CCDC73: variants seen among roughly 807,000 people sequenced by gnomAD.
CCDC73 encodes the protein coiled-coil domain containing 73.
In CCDC73, 95 loss-of-function variants were observed where a neutral mutation model predicts 116.5. The observed-to-expected ratio is 0.82, with a 90% CI of 0.69 to 0.97. CCDC73 has a LOEUF of 0.97. Among genes scored for constraint, CCDC73 ranks in the 50% least tolerant of loss-of-function variants. The probability of loss-of-function intolerance (pLI) is 0.00; values close to 1 mark genes in which losing one functional copy is unlikely to be tolerated. For missense variants in CCDC73, 1,066 were observed against 1,206.8 expected, an observed-to-expected ratio of 0.88 and a Z score of 1.73; for synonymous variants, 398 against 401.3, an observed-to-expected ratio of 0.99 and a Z score of 0.10.
At chr11:32,768,006 T>C (rs1590638492) in intron 1 of CCDC73, among the ~76,000 whole-genome samples, 1 of 152,318 alleles carries the variant, frequency 6.6e-6, no homozygotes, top group South Asian at 2.1e-4. Context: ...CATGCTGCTA[T>C]AAAGACACAT....
At chr11:32,683,351 T>C (rs1191528120) in intron 7 of CCDC73, 185 bp downstream of exon 7, 2 of 594,786 alleles carry the variant, frequency 3.4e-6, no homozygotes, top group African/African-American at 3.7e-5. Context: ...GAAATAAATT[T>C]GTGAAATAAT....
rs1182865769 is a variant in CCDC73 at position 32,616,123 on chromosome 11, G to C, written c.1192C>G (p.Pro398Ala). 1 of 1,568,902 alleles carries C rather than the reference G, an allele frequency of 6.4e-7. No individual in the cohort carries two copies. Among genetic ancestry groups the C allele is most frequent in the Non-Finnish European group, 8.6e-7 (1 of 1,164,036 alleles). Residue 398 changes from proline to alanine, a missense_variant, in exon 15 of 18, where the codon CCA (proline) becomes GCA (alanine). Physicochemically the swap from Pro to Ala is conservative, Grantham distance 27. Transcript: ENST00000335185. ...TCACTGTTTTCATTATTTACTTCTGGAACATTCTAGTGTAAAATGGAAGAG... is the reference window on the plus strand; with the variant it reads ...TCACTGTTTTCATTATTTACTTCTGCAACATTCTAGTGTAAAATGGAAGAG... Reference protein sequence around the residue: ...FEEDKKFQNVPEVNNENSEMS... With the variant: ...FEEDKKFQNVAEVNNENSEMS...
chr11:32,665,214 T>G (rs1193695508), intron 9 of CCDC73, among the ~76,000 whole-genome samples: 4 of 151,914 alleles, frequency 2.6e-5, no homozygotes, highest in Non-Finnish European at 5.9e-5. Context: ...GGATATCCTT[T>G]TTAACTTTCT....
chr11:32,798,921 G>GGGC (rs1554971677), upstream of CCDC73, among the ~76,000 whole-genome samples: 4 of 149,938 alleles, frequency 2.7e-5, no homozygotes, highest in Non-Finnish European at 5.9e-5. Flanking sequence ...GTTTTGGGGG[G>GGGC]GGGCGTTGAG....
At chr11:32,609,881 G>A (rs992311367) in intron 17 of CCDC73, among the ~76,000 whole-genome samples, 10 of 151,786 alleles carry the variant, frequency 6.6e-5, no homozygotes, top group Non-Finnish European at 8.8e-5. Flanking sequence ...CTGGGTTCAC[G>A]CCATTCTCCT....
chr11:32,811,077 CA>C, the CCDC73 span, among the ~76,000 whole-genome samples: 16 of 144,984 alleles, frequency 1.1e-4, no homozygotes, highest in East Asian at 4.0e-4. Flanking sequence ...ACAACAACAA[CA>C]AAAAAAAAAA....
At chr11:32,784,851 T>C (rs1265670490) in intron 1 of CCDC73, among the ~76,000 whole-genome samples, 1 of 152,324 alleles carries the variant, frequency 6.6e-6, no homozygotes, top group East Asian at 1.9e-4. Flanking sequence ...GACTAAGATA[T>C]ATGAAATCAG....
intron 2 of CCDC73, among the ~76,000 whole-genome samples, chr11:32,737,100 A>G (rs909435563): frequency 6.6e-6 from 1 of 151,510 alleles, no homozygotes; most frequent in Admixed American, 6.6e-5. Flanking sequence ...TTATTTTTTT[A>G]ATAGCAACAA....
intron 1 of CCDC73, among the ~76,000 whole-genome samples, chr11:32,781,970 C>T (rs1850588404): frequency 6.6e-6 from 1 of 152,160 alleles, no homozygotes; most frequent in Non-Finnish European, 1.5e-5. Flanking sequence ...ACAGCCACTC[C>T]CCATTGTTCG....
At chr11:32,759,443 G>A (rs548370367) in intron 2 of CCDC73, among the ~76,000 whole-genome samples, 42 of 148,346 alleles carry the variant, frequency 2.8e-4, no homozygotes, top group African/African-American at 1.0e-3. Flanking sequence ...CAATTCTTAT[G>A]CCTCAGCCTC....
intron 6 of CCDC73, among the ~76,000 whole-genome samples, chr11:32,690,990 T>TA (rs1412602810): frequency 6.6e-6 from 1 of 151,898 alleles, no homozygotes; most frequent in African/African-American, 2.4e-5. Context: ...TTTACTGCCC[T>TA]AAAAAACTTC....
At chr11:32,821,228 GT>G in the CCDC73 span, among the ~76,000 whole-genome samples, 1 of 152,186 alleles carries the variant, frequency 6.6e-6, no homozygotes, top group African/African-American at 2.4e-5. Context: ...TTATTTTGAA[GT>G]AAGATGTGAG....
chr11:32,824,791 A>G, the CCDC73 span, among the ~76,000 whole-genome samples: 1 of 152,202 alleles, frequency 6.6e-6, no homozygotes, highest in African/African-American at 2.4e-5. Flanking sequence ...TTATACTTCA[A>G]AACTCAGTTA....
At chr11:32,658,475 C>A (rs1855894066) in intron 9 of CCDC73, among the ~76,000 whole-genome samples, 1 of 152,116 alleles carries the variant, frequency 6.6e-6, no homozygotes, top group Non-Finnish European at 1.5e-5. Flanking sequence ...CAATAACAAA[C>A]AATATTGAAC....
chr11:32,747,754 A>C (rs1211382706), intron 2 of CCDC73, among the ~76,000 whole-genome samples: 1 of 152,222 alleles, frequency 6.6e-6, no homozygotes, highest in Non-Finnish European at 1.5e-5. Context: ...GGACCTGCCG[A>C]GACAGGCACA....
In CCDC73 at chr11:32,613,614, T is replaced by C. The variant is rs1251604822; in HGVS notation, c.2704A>G (p.Met902Val). ...CAAGGACCGGGGTCTGAAAAATTCA[T>C]GTATACTGGAGTTTTCTCAGTTTTT... The part of the protein sequence containing the change: ...DKKTEKTPVY[M>V]NFSDPGPWSK... The change falls in exon 16 of 18, where the codon ATG (methionine) becomes GTG (valine). Residue 902 changes from methionine (M) to valine (V), a missense_variant. Met to Val is a conservative substitution (Grantham distance 21). Transcript: ENST00000335185. The C allele has an allele frequency of 2.5e-6, 4 of 1,614,162 alleles. No homozygotes were observed. The highest frequency in any genetic ancestry group is 2.5e-6 in the Non-Finnish European group (3 of 1,180,006).
the CCDC73 span, among the ~76,000 whole-genome samples, chr11:32,804,735 A>AAAAC: frequency 3.9e-5 from 6 of 152,206 alleles, no homozygotes; most frequent in Non-Finnish European, 8.8e-5. Flanking sequence ...CTCTAATGTA[A>AAAAC]AAACAAACAA....
chr11:32,731,235 C>T lies in CCDC73; in HGVS notation c.136-13088G>A, dbSNP rs141068141. On this transcript the variant is annotated intron_variant, in intron 2 of 17. Coordinates refer to ENST00000335185, the MANE Select transcript of CCDC73 (RefSeq NM_001008391.4). ...GCAGCGAGGCTGGGGGAGAGGCGCC[C>T]ACCACTGCTGAGGCTTGAGTAGGTA... Among the ~76,000 whole-genome samples the T allele has an allele frequency of 5.5e-4, 84 of 152,294 alleles. 1 individual carries two copies. In the East Asian group the frequency reaches 0.015, roughly 27 times the overall value.
At chr11:32,654,646 G>A (rs767821187) in intron 10 of CCDC73, among the ~76,000 whole-genome samples, 198 bp downstream of exon 10, 4 of 152,272 alleles carry the variant, frequency 2.6e-5, no homozygotes, top group Middle Eastern at 3.4e-3. Context: ...CCATATTCAA[G>A]TAGAAATAAA....
Sources: allele counts gnomAD v4.1 joint callset (sites outside exome capture counted in the v4.1 genomes callset), GRCh38; gene constraint gnomAD v4.1.1; transcripts MANE v1.5; gene names NCBI Gene and HGNC (gene_info 2026-07-23, HGNC 2026-07-21).